Variants in SCN8A observed in about 807,000 individuals in gnomAD.
SCN8A encodes sodium voltage-gated channel alpha subunit 8.
In SCN8A, 30 loss-of-function variants were observed where a neutral mutation model predicts 184.1. The observed-to-expected ratio is 0.16, with a 90% CI of 0.12 to 0.22. The LOEUF (loss-of-function observed/expected upper bound fraction) is 0.22, where lower values mean the gene tolerates loss of function less well. SCN8A is among the 10% of genes least tolerant of loss of function. The pLI, the probability that SCN8A is intolerant of heterozygous loss-of-function variation, is 1.00. For synonymous variants in SCN8A, 852 were observed against 907.0 expected (o/e 0.94, Z 1.09); for missense variants, 1,057 against 2,498.9 (o/e 0.42, Z 12.30).
chr12:51,801,118 GATTA>G (rs1938545456), intron 26 of SCN8A, among the ~76,000 whole-genome samples: 1 of 137,370 alleles, frequency 7.3e-6, no homozygotes, highest in Non-Finnish European at 1.6e-5. Context: ...GGAACACCAT[GATTA>G]ATTAGCCAAT....
intron 1 of SCN8A, among the ~76,000 whole-genome samples, chr12:51,592,328 G>C (rs1939245405): frequency 6.6e-6 from 1 of 151,854 alleles, no homozygotes; most frequent in African/African-American, 2.4e-5. Flanking sequence ...CTTTCCAGGG[G>C]TTAGCCAGGA....
At chr12:51,759,010 A>G (rs868153169) in intron 14 of SCN8A, among the ~76,000 whole-genome samples, 1 of 151,734 alleles carries the variant, frequency 6.6e-6, no homozygotes, top group Non-Finnish European at 1.5e-5. Context: ...GTATATATAT[A>G]TATACGTGTG....
chr12:51,761,124 G>T (rs927411609), intron 14 of SCN8A, among the ~76,000 whole-genome samples: 4 of 152,104 alleles, frequency 2.6e-5, no homozygotes, highest in Non-Finnish European at 5.9e-5. Flanking sequence ...ATAAGAGTCT[G>T]TTGTTATATG....
intron 1 of SCN8A, among the ~76,000 whole-genome samples, chr12:51,608,078 TG>T (rs1939636918): frequency 6.7e-6 from 1 of 150,202 alleles, no homozygotes; most frequent in South Asian, 2.1e-4. Flanking sequence ...TGGAGTGCAG[TG>T]GCGTGATCTC....
chr12:51,692,207 A>G (rs1330841630), intron 6 of SCN8A, among the ~76,000 whole-genome samples: 2 of 152,148 alleles, frequency 1.3e-5, no homozygotes, highest in South Asian at 2.1e-4. Context: ...GGAGCCTGCA[A>G]GGTCTCACAA....
In SCN8A at chr12:51,699,800, C is replaced by T. The variant is rs148027656; in HGVS notation, c.928+9C>T. 6.9e-4 allele frequency: 1,099 copies of T among 1,600,740 alleles called. 5 individuals are homozygous for T. In the African/African-American group the frequency reaches 0.013, roughly 19 times the overall value. On this transcript the variant is annotated intron_variant, in intron 7 of 26. Transcript: ENST00000627620. Reference sequence around the variant, plus strand: ...GTATATCAACAATAAAAGTAGGTGGCCTCTTCTCTGCAAGAGGAATAGGAA... The same window carrying T: ...GTATATCAACAATAAAAGTAGGTGGTCTCTTCTCTGCAAGAGGAATAGGAA...
chr12:51,735,550 G>A (rs1942310745), intron 12 of SCN8A, among the ~76,000 whole-genome samples: 1 of 152,112 alleles, frequency 6.6e-6, no homozygotes, highest in Admixed American at 6.5e-5. Flanking sequence ...GAATACTCAC[G>A]ACAGTGGTGA....
intron 8 of SCN8A, 36 bp downstream of exon 8, chr12:51,701,243 A>G: frequency 7.1e-7 from 1 of 1,403,390 alleles, no homozygotes; most frequent in Non-Finnish European, 9.8e-7. Flanking sequence ...TCTTTCCTTA[A>G]AATAATGTAC....
At chr12:51,661,651 G>T (rs567990762) in intron 1 of SCN8A, among the ~76,000 whole-genome samples, 2 of 152,220 alleles carry the variant, frequency 1.3e-5, no homozygotes, top group East Asian at 3.9e-4. Flanking sequence ...TTGTTCTTAT[G>T]GTGTTCACAA....
At chr12:51,677,186 C>T (rs1592372866) in intron 2 of SCN8A, among the ~76,000 whole-genome samples, 1 of 151,826 alleles carries the variant, frequency 6.6e-6, no homozygotes, top group South Asian at 2.1e-4. Context: ...TAGGCTCAAA[C>T]GATCTTCCCA....
At chr12:51,791,092 G>T (rs1031103774) in intron 25 of SCN8A, among the ~76,000 whole-genome samples, 5 of 152,216 alleles carry the variant, frequency 3.3e-5, no homozygotes, top group African/African-American at 1.2e-4. Flanking sequence ...AGAAGGAGAA[G>T]GAGATACCCT....
intron 1 of SCN8A, among the ~76,000 whole-genome samples, chr12:51,627,265 T>A (rs1008067916): frequency 1.3e-5 from 2 of 152,250 alleles, no homozygotes; most frequent in African/African-American, 4.8e-5. Context: ...ACTTGTTCTA[T>A]CTTATATTAT....
intron 1 of SCN8A, among the ~76,000 whole-genome samples, chr12:51,626,646 T>C (rs1940084804): frequency 6.6e-6 from 1 of 152,104 alleles, no homozygotes; most frequent in Admixed American, 6.6e-5. Flanking sequence ...GATGGAAAAT[T>C]TATAACAAAA....
intron 12 of SCN8A, 99 bp downstream of exon 12, chr12:51,722,007 T>C (rs748113921): frequency 2.8e-5 from 44 of 1,586,496 alleles, no homozygotes; most frequent in Non-Finnish European, 3.7e-5. Flanking sequence ...CCCCTCCTCT[T>C]TCCCTGCTCT....
At position 51,653,047 on chromosome 12, in the gene SCN8A, A is replaced by C. The variant is rs1565874759; in HGVS notation, c.-54-9717A>C. On this transcript the variant is annotated intron_variant, in intron 1 of 26. Transcript: ENST00000627620. ...TTAAATATATAAACTGGGCCAAGCG[A>C]GGTGGCTCACGCCTGTAATCCCAGC... Among the ~76,000 whole-genome samples, 3 of 152,094 alleles carry C rather than the reference A, an allele frequency of 2.0e-5. No individual in the cohort carries two copies. In the South Asian group the frequency reaches 6.2e-4, roughly 31 times the overall value.
chr12:51,771,048 T>C (rs1942918472), intron 19 of SCN8A, among the ~76,000 whole-genome samples: 1 of 152,190 alleles, frequency 6.6e-6, no homozygotes, highest in Admixed American at 6.5e-5. Flanking sequence ...TACTGTCCCT[T>C]CACAGCCTAC....
At chr12:51,607,992 A>G (rs980040832) in intron 1 of SCN8A, among the ~76,000 whole-genome samples, 1 of 151,156 alleles carries the variant, frequency 6.6e-6, no homozygotes, top group African/African-American at 2.4e-5. Flanking sequence ...GAATAGTGTC[A>G]AAAGGATTGG....
chr12:51,761,945 A>C (rs1411925747), intron 14 of SCN8A, among the ~76,000 whole-genome samples: 2 of 152,014 alleles, frequency 1.3e-5, no homozygotes, highest in South Asian at 2.1e-4. Flanking sequence ...GAAAAAAAAA[A>C]CAGAAAGAAA....
intron 9 of SCN8A, 51 bp from the exon 10 acceptor site, chr12:51,705,366 G>C: frequency 6.3e-7 from 1 of 1,580,922 alleles, no homozygotes; most frequent in Non-Finnish European, 8.7e-7. Flanking sequence ...GCTGTTTTCA[G>C]CCCGGTTCAT....
Sources: gnomAD v4.1 joint callset for allele counts (sites outside exome capture counted in the v4.1 genomes callset) on GRCh38, gnomAD v4.1.1 for gene constraint, MANE v1.5 for transcripts, NCBI Gene and HGNC (gene_info 2026-07-23, HGNC 2026-07-21) for gene names.